Variants in FRMD6 observed in about 807,000 individuals in gnomAD.
FRMD6 encodes FERM domain-containing protein 6.
In FRMD6, 37 loss-of-function variants were observed where a neutral mutation model predicts 73.2. The observed-to-expected ratio is 0.51, with a 90% CI of 0.39 to 0.66. The LOEUF (loss-of-function observed/expected upper bound fraction) is 0.66, where lower values mean the gene tolerates loss of function less well. Among genes scored for constraint, FRMD6 ranks in the 30% least tolerant of loss-of-function variants. The pLI, the probability that FRMD6 is intolerant of heterozygous loss-of-function variation, is 0.00. For missense variants in FRMD6, 714 were observed against 780.5 expected, an observed-to-expected ratio of 0.91 and a Z score of 1.02; for synonymous variants, 273 against 282.2, an observed-to-expected ratio of 0.97 and a Z score of 0.33.
At chr14:51,708,032 A>G (rs766432905) in intron 6 of FRMD6, 46 bp from the exon 7 acceptor site, 14 of 1,594,702 alleles carry the variant, frequency 8.8e-6, no homozygotes, top group African/African-American at 2.7e-5. Flanking sequence ...TAGAACTTAC[A>G]TCTCTCCAAC....
At chr14:51,504,521 C>G (rs1483085199) in intron 1 of FRMD6, among the ~76,000 whole-genome samples, 2 of 152,248 alleles carry the variant, frequency 1.3e-5, no homozygotes, top group African/African-American at 4.8e-5. Flanking sequence ...CTTCATTTTT[C>G]AGTCGCTGAC....
intron 2 of FRMD6, among the ~76,000 whole-genome samples, chr14:51,596,256 T>A (rs1334428110): frequency 6.6e-6 from 1 of 151,668 alleles, no homozygotes; most frequent in Non-Finnish European, 1.5e-5. Context: ...CTGGTGTGTG[T>A]GTGTGTGTGT....
At chr14:51,472,205 C>T in the FRMD6 span, among the ~76,000 whole-genome samples, 1 of 152,190 alleles carries the variant, frequency 6.6e-6, no homozygotes, top group East Asian at 1.9e-4. Flanking sequence ...TAAAGAGCTA[C>T]ACCAAGACTC....
chr14:51,413,705 C>G, the FRMD6 span, among the ~76,000 whole-genome samples: 1 of 152,200 alleles, frequency 6.6e-6, no homozygotes. Context: ...AATGGTATTT[C>G]TAGTTCTAGA....
chr14:51,483,114 T>A, the FRMD6 span, among the ~76,000 whole-genome samples: 1 of 152,358 alleles, frequency 6.6e-6, no homozygotes, highest in East Asian at 1.9e-4. Context: ...CCTCTAGTGA[T>A]ACCAGTAACA....
At chr14:51,508,137 T>A (rs1884081835) in intron 1 of FRMD6, among the ~76,000 whole-genome samples, 1 of 152,130 alleles carries the variant, frequency 6.6e-6, no homozygotes, top group Non-Finnish European at 1.5e-5. Flanking sequence ...GCCCGGGCAA[T>A]GAGCACCCCC....
intron 3 of FRMD6, 22 bp downstream of exon 3, chr14:51,698,254 G>T (rs2140423663): frequency 1.3e-6 from 2 of 1,540,894 alleles, no homozygotes; most frequent in East Asian, 4.5e-5. Flanking sequence ...AGCCCTCTCT[G>T]ATGGATTTAG....
chr14:51,466,803 T>C, the FRMD6 span, among the ~76,000 whole-genome samples: 1 of 152,252 alleles, frequency 6.6e-6, no homozygotes, highest in South Asian at 2.1e-4. Flanking sequence ...AAGGATTACA[T>C]AGACTCTAAA....
upstream of FRMD6, among the ~76,000 whole-genome samples, chr14:51,648,629 T>C (rs1043775768): frequency 2.0e-5 from 3 of 152,230 alleles, no homozygotes; most frequent in African/African-American, 7.2e-5. Flanking sequence ...ATGCTCTCCC[T>C]CCCTAGGCCT....
chr14:51,479,367 T>A, the FRMD6 span, among the ~76,000 whole-genome samples: 1 of 152,176 alleles, frequency 6.6e-6, no homozygotes, highest in Non-Finnish European at 1.5e-5. Flanking sequence ...TCGACATGTA[T>A]AAATGACCAC....
intron 1 of FRMD6, among the ~76,000 whole-genome samples, chr14:51,534,407 A>AT (rs967348933): frequency 5.3e-5 from 8 of 152,194 alleles, no homozygotes; most frequent in East Asian, 2.0e-4. Context: ...ATGATGGTTG[A>AT]TTTTTTTATT....
chr14:51,573,372 C>G (rs765253144), intron 2 of FRMD6, among the ~76,000 whole-genome samples: 6 of 152,050 alleles, frequency 3.9e-5, no homozygotes, highest in Non-Finnish European at 7.4e-5. Context: ...GTTATCACCT[C>G]TTATGCCAAT....
At chr14:51,530,822 A>G (rs1456051886) in intron 1 of FRMD6, among the ~76,000 whole-genome samples, 2 of 152,184 alleles carry the variant, frequency 1.3e-5, no homozygotes, top group Non-Finnish European at 2.9e-5. Context: ...GACAAACAGT[A>G]ACTTTACAGT....
At chr14:51,547,495 T>C (rs1456365289) in intron 1 of FRMD6, among the ~76,000 whole-genome samples, 1 of 152,164 alleles carries the variant, frequency 6.6e-6, no homozygotes, top group East Asian at 1.9e-4. Flanking sequence ...GTGGATTCTG[T>C]AATAGTCTTG....
intron 2 of FRMD6, among the ~76,000 whole-genome samples, chr14:51,643,021 T>C (rs547886291): frequency 1.1e-4 from 17 of 152,176 alleles, no homozygotes; most frequent in African/African-American, 4.1e-4. Flanking sequence ...AGGGAGAAAA[T>C]GCCTGACCAA....
Position 51,729,787 on chromosome 14 carries a change from G to A in FRMD6, c.*1758G>A, listed in dbSNP as rs66677264. 0.27 allele frequency: 41,468 copies of A among 152,638 alleles called. 5,899 individuals carry two copies. Among genetic ancestry groups the A allele is most frequent in the East Asian group, 0.35 (1,823 of 5,178 alleles). 9.5% of individuals were successfully genotyped at this position (152,638 alleles called of 1,614,324 possible). ...GTCCCTCCTGTGCTGGGTCGCGGAT[G>A]TGTAGGCAACATTGCCTTATCACGC... On this transcript the variant is annotated 3_prime_UTR_variant, in exon 14 of 14. Coordinates refer to ENST00000344768, the MANE Select transcript of FRMD6 (RefSeq NM_001267046.2).
At chr14:51,551,863 G>A (rs1344958057) in intron 1 of FRMD6, among the ~76,000 whole-genome samples, 2 of 151,834 alleles carry the variant, frequency 1.3e-5, no homozygotes, top group African/African-American at 2.4e-5. Flanking sequence ...AATATTTTTA[G>A]TATATAGGTA....
chr14:51,473,696 A>G, the FRMD6 span, among the ~76,000 whole-genome samples: 1 of 152,188 alleles, frequency 6.6e-6, no homozygotes, highest in Non-Finnish European at 1.5e-5. Context: ...TTTTGAGAGC[A>G]GTACTTTCTC....
chr14:51,540,936 C>T (rs1375614682), intron 1 of FRMD6, among the ~76,000 whole-genome samples: 1 of 152,036 alleles, frequency 6.6e-6, no homozygotes, highest in African/African-American at 2.4e-5. Flanking sequence ...TACTCAAATC[C>T]ATTTACTTTT....
Sources: gnomAD v4.1 joint callset for allele counts (sites outside exome capture counted in the v4.1 genomes callset) on GRCh38, gnomAD v4.1.1 for gene constraint, MANE v1.5 for transcripts, NCBI Gene and HGNC (gene_info 2026-07-23, HGNC 2026-07-21) for gene names.